Variants in FMNL2 observed in about 807,000 individuals in gnomAD.
The protein encoded by FMNL2 is formin like 2, also known as formin-like protein 2.
FMNL2 carries 51 observed loss-of-function variants against 130.2 expected under a neutral mutation model. The observed-to-expected ratio is 0.39, with a 90% CI of 0.31 to 0.49. FMNL2 has a LOEUF of 0.49. Among genes scored for constraint, FMNL2 ranks in the 20% least tolerant of loss-of-function variants. FMNL2 has a pLI of 0.85. For missense variants in FMNL2, 977 were observed against 1,316.2 expected (o/e 0.74, Z 3.99); for synonymous variants, 465 against 467.1 (o/e 1.00, Z 0.06).
chr2:152,540,726 G>C (rs1694266815), intron 2 of FMNL2, among the ~76,000 whole-genome samples: 1 of 151,080 alleles, frequency 6.6e-6, no homozygotes, highest in Non-Finnish European at 1.5e-5. Context: ...AGCATTGGGA[G>C]ATATACCTAA....
In FMNL2 at chr2:152,560,908, A is replaced by G; in HGVS notation, c.469A>G (p.Thr157Ala). 2 of 1,612,848 alleles carry G rather than the reference A, an allele frequency of 1.2e-6. No homozygotes were observed. Among genetic ancestry groups the G allele is most frequent in the Non-Finnish European group, 1.7e-6 (2 of 1,179,432 alleles). ...TTTTGACTTTGAAAGTGTGGAGAGTACTGTGGAGAGCTCGGTGGACAAATC... is the reference window on the plus strand; with the variant it reads ...TTTTGACTTTGAAAGTGTGGAGAGTGCTGTGGAGAGCTCGGTGGACAAATC... ...VTFDFESVES[T>A]VESSVDKSKP... The change falls in exon 6 of 26, where the codon ACT becomes GCT. Residue 157 changes from threonine to alanine, a missense_variant. This residue lies in a region of FMNL2 where 689 missense variants were observed against 995.9 expected (regional missense o/e 0.69). Transcript: ENST00000288670.
rs1375027384 is a variant in FMNL2, at chr2:152,490,443, A to G, written c.118-31500A>G. Among the ~76,000 whole-genome samples, 5 of 152,126 alleles carry G rather than the reference A, an allele frequency of 3.3e-5. No individual in the cohort carries two copies. The East Asian group carries it at 9.6e-4, about 29-fold the overall frequency. ...TGCTACAGTTTATGATCTTCCCTAAACATCGACGTTCCTGGAAATCTTTGG... is the reference window on the plus strand; with the variant it reads ...TGCTACAGTTTATGATCTTCCCTAAGCATCGACGTTCCTGGAAATCTTTGG... On this transcript the variant is annotated intron_variant, in intron 1 of 25. Transcript: ENST00000288670.
chr2:152,434,490 A>C (rs1329580250), intron 1 of FMNL2, among the ~76,000 whole-genome samples: 1 of 152,146 alleles, frequency 6.6e-6, no homozygotes, highest in Middle Eastern at 3.2e-3. Context: ...AGCACACAAA[A>C]ACTTGAGTGC....
chr2:152,370,209 G>A (rs1365434283), intron 1 of FMNL2, among the ~76,000 whole-genome samples: 1 of 152,128 alleles, frequency 6.6e-6, no homozygotes, highest in Non-Finnish European at 1.5e-5. Context: ...CAAGATCAGG[G>A]TGCCACCCAG....
intron 16 of FMNL2, 80 bp from the exon 17 acceptor site, chr2:152,626,445 C>T: frequency 8.1e-7 from 1 of 1,229,530 alleles, no homozygotes. Flanking sequence ...GACGTTTTTG[C>T]TTAAGAAACT....
intron 19 of FMNL2, 50 bp from the exon 20 acceptor site, chr2:152,629,775 G>A (rs1682044177): frequency 6.2e-7 from 1 of 1,605,292 alleles, no homozygotes; most frequent in Non-Finnish European, 8.5e-7. Context: ...GCTGCGTTCA[G>A]TGCCTGATGT....
At chr2:152,462,949 GA>G (rs567858026) in intron 1 of FMNL2, among the ~76,000 whole-genome samples, 394 of 152,194 alleles carry the variant, frequency 2.6e-3, no homozygotes, top group African/African-American at 3.4e-3. Flanking sequence ...TATTTAGGGG[GA>G]AAAAATCTCA....
At chr2:152,350,670 C>T (rs1329785527) in intron 1 of FMNL2, among the ~76,000 whole-genome samples, 1 of 152,168 alleles carries the variant, frequency 6.6e-6, no homozygotes, top group East Asian at 1.9e-4. Flanking sequence ...TTGCTACTAG[C>T]TTGTAGCTCA....
intron 1 of FMNL2, among the ~76,000 whole-genome samples, chr2:152,359,045 A>G (rs1054369564): frequency 5.9e-5 from 9 of 152,214 alleles, no homozygotes; most frequent in Non-Finnish European, 1.3e-4. Flanking sequence ...TAGTACCTAC[A>G]TGGCACTAGA....
chr2:152,516,159 T>C (rs1692755443), intron 1 of FMNL2, among the ~76,000 whole-genome samples: 1 of 151,894 alleles, frequency 6.6e-6, no homozygotes, highest in Non-Finnish European at 1.5e-5. Context: ...ACATGGGGAG[T>C]TGTTGTTTGA....
In FMNL2 at chr2:152,342,324, G is replaced by A. The variant is rs529326421; in HGVS notation, c.117+6604G>A. On this transcript the variant is annotated intron_variant, in intron 1 of 25. Transcript: ENST00000288670. ...TGCCCCTCCTTTGCAAGAGGACGCTGTAACTGGAGTACTTTTAGGAACAAA... is the reference window on the plus strand; with the variant it reads ...TGCCCCTCCTTTGCAAGAGGACGCTATAACTGGAGTACTTTTAGGAACAAA... Among the ~76,000 whole-genome samples, 33 of 152,314 alleles carry A rather than the reference G, an allele frequency of 2.2e-4. No homozygotes were observed. The South Asian group carries it at 2.5e-3, about 11-fold the overall frequency.
At chr2:152,550,938 C>G (rs945026709) in intron 4 of FMNL2, among the ~76,000 whole-genome samples, 8 of 151,812 alleles carry the variant, frequency 5.3e-5, no homozygotes, top group African/African-American at 1.9e-4. Context: ...AGGAGTTCGA[C>G]ACCAGCCTGG....
At chr2:152,426,134 A>G (rs1687188449) in intron 1 of FMNL2, among the ~76,000 whole-genome samples, 1 of 152,198 alleles carries the variant, frequency 6.6e-6, no homozygotes, top group South Asian at 2.1e-4. Flanking sequence ...GAGATGGGTG[A>G]CAGGGAGAAA....
At chr2:152,379,966 A>C (rs1431614522) in intron 1 of FMNL2, among the ~76,000 whole-genome samples, 2 of 152,228 alleles carry the variant, frequency 1.3e-5, no homozygotes, top group Non-Finnish European at 2.9e-5. Context: ...CAAACATATA[A>C]ACTAGAAATA....
intron 1 of FMNL2, among the ~76,000 whole-genome samples, chr2:152,512,760 T>G (rs1692557009): frequency 6.6e-6 from 1 of 152,194 alleles, no homozygotes; most frequent in Non-Finnish European, 1.5e-5. Flanking sequence ...GTTCATAAAT[T>G]AACAAAATGG....
chr2:152,537,017 C>T (rs1021357510), intron 2 of FMNL2, among the ~76,000 whole-genome samples: 1 of 152,096 alleles, frequency 6.6e-6, no homozygotes, highest in South Asian at 2.1e-4. Flanking sequence ...AACCTTTACA[C>T]AGAAAGGCTT....
chr2:152,607,225 G>T, intron 9 of FMNL2, 114 bp from the exon 10 acceptor site: 1 of 857,820 alleles, frequency 1.2e-6, no homozygotes, highest in South Asian at 1.6e-5. Context: ...AATAGTTTAT[G>T]AGAGAGAAAA....
At chr2:152,389,824 A>T in intron 1 of FMNL2, 1 of 1,247,202 alleles carries the variant, frequency 8.0e-7, no homozygotes, top group Non-Finnish European at 1.2e-6. Context: ...AGAAGAGGGG[A>T]TGGCAAAGAA....
chr2:152,477,403 A>G lies in FMNL2; in HGVS notation c.118-44540A>G, dbSNP rs189255363. ...CATCTATAAAATGAGGATGTTGGAA[A>G]TAAATGACTTTTGAAAAATCTTCCA... On this transcript the variant is annotated intron_variant, in intron 1 of 25. Coordinates refer to ENST00000288670, the MANE Select transcript of FMNL2 (RefSeq NM_052905.4). Among the ~76,000 whole-genome samples, 429 of 152,338 alleles carry G rather than the reference A, an allele frequency of 2.8e-3. 1 individual carries two copies. The highest frequency in any genetic ancestry group is 6.8e-3 in the Middle Eastern group (2 of 294).
Sources: gnomAD v4.1 joint callset for allele counts (sites outside exome capture counted in the v4.1 genomes callset) on GRCh38, gnomAD v4.1.1 for gene constraint, gnomAD v4.1.1 regional missense constraint, MANE v1.5 for transcripts, NCBI Gene and HGNC (gene_info 2026-07-23, HGNC 2026-07-21) for gene names.